Variants in LTBP4 observed in about 807,000 individuals in gnomAD.
LTBP4 encodes the protein latent transforming growth factor beta binding protein 4, also known as latent-transforming growth factor beta-binding protein 4.
A neutral mutation model predicts 180.2 loss-of-function variants in LTBP4; 93 were observed. The observed-to-expected ratio is 0.52, with a 90% CI of 0.44 to 0.61. The LOEUF (loss-of-function observed/expected upper bound fraction) is 0.61, where lower values mean the gene tolerates loss of function less well. Among genes scored for constraint, LTBP4 ranks in the 20% least tolerant of loss-of-function variants. LTBP4 has a pLI of 0.00. For missense variants in LTBP4, 2,116 were observed against 2,256.5 expected (o/e 0.94, Z 1.26); for synonymous variants, 947 against 934.5 (o/e 1.01, Z -0.24).
chr19:40,623,092 G>C, intron 24 of LTBP4, 71 bp downstream of exon 24: 1 of 1,213,112 alleles, frequency 8.2e-7, no homozygotes, highest in Non-Finnish European at 1.1e-6. Flanking sequence ...TGTTTTCTTT[G>C]CCTCTGTCTC....
Position 40,611,863 on chromosome 19 carries a change from G to A in LTBP4, c.2058G>A (p.Val686=), listed in dbSNP as rs376879859. The change falls in exon 14 of 30, where the codon GTG becomes GTA. Residue 686 remains valine, a synonymous_variant. Coordinates refer to ENST00000396819, the MANE Select transcript of LTBP4 (RefSeq NM_001042545.2). This position sits in a 1 kb window ranked among gnomAD's most constrained non-coding sequence, Gnocchi z 4.4. ...CATTGGTCCCCTCTGCCCCAGATGTGGATGAGTGTGCCCGAAGCCCCCCAC... is the reference window on the plus strand; with the variant it reads ...CATTGGTCCCCTCTGCCCCAGATGTAGATGAGTGTGCCCGAAGCCCCCCAC... The part of the protein sequence containing the change: ...SRGPGAPCQD[V]DECARSPPPC... The A allele has an allele frequency of 1.6e-5, 26 of 1,607,876 alleles. No individual in the cohort carries two copies. Among genetic ancestry groups the A allele is most frequent in the Non-Finnish European group, 2.1e-5 (25 of 1,177,362 alleles).
intron 26 of LTBP4, 55 bp downstream of exon 26, chr19:40,624,137 G>T: frequency 2.7e-6 from 4 of 1,467,886 alleles, no homozygotes; most frequent in Non-Finnish European, 1.8e-6. Flanking sequence ...CCTCACACCC[G>T]CACCCGGGCC....
upstream of LTBP4, chr19:40,599,472 G>T (rs1229414237): frequency 1.2e-6 from 2 of 1,613,722 alleles, no homozygotes; most frequent in Admixed American, 3.3e-5. Context: ...GGCCCCCAGC[G>T]GTGCCTGAAC....
rs777450656 is a variant in LTBP4 at position 40,629,489 on chromosome 19, G to A, written c.4613G>A (p.Arg1538His). ...NTDGSFRCICRPGFAPTHQPH... is the reference protein window; with the variant it reads ...NTDGSFRCICHPGFAPTHQPH... Reference sequence around the variant, plus strand: ...GATGGCTCCTTCCGCTGCATCTGCCGCCCGGGATTCGCACCCACGCACCAG... The same window carrying A: ...GATGGCTCCTTCCGCTGCATCTGCCACCCGGGATTCGCACCCACGCACCAG... The change falls in exon 30 of 30, where the codon CGC becomes CAC. Residue 1538 changes from arginine to histidine, a missense_variant. Physicochemically the swap from Arg to His is conservative, Grantham distance 29. Around this residue, in one of 5 missense-constraint regions of LTBP4, gnomAD observed 488 missense variants for 458.8 expected, o/e 1.06. Transcript: ENST00000396819. This position sits in a 1 kb window ranked among gnomAD's most constrained non-coding sequence, Gnocchi z 4.5. The A allele has an allele frequency of 1.9e-6, 3 of 1,606,444 alleles. No individual in the cohort carries two copies. The highest frequency in any genetic ancestry group is 1.7e-6 in the Non-Finnish European group (2 of 1,175,456).
Position 40,601,592 on chromosome 19 carries a change from G to T in LTBP4, c.205G>T (p.Gly69Cys). 1 of 1,417,208 alleles carries T rather than the reference G, an allele frequency of 7.1e-7. No individual in the cohort carries two copies. Among genetic ancestry groups the T allele is most frequent in the South Asian group, 1.5e-5 (1 of 66,562 alleles). 87.8% of individuals were successfully genotyped at this position (1,417,208 alleles called of 1,614,324 possible). A position where few individuals can be genotyped will look rare whatever the true frequency, so the allele number is the denominator to read the frequency against. ...APRNATSVDS[G>C]APGGAAPGGP... is the part of the protein sequence containing the mutation. ...CCGCAACGCCACCAGCGTGGACAGCGGCGCTCCCGGCGGGGCGGCCCCGGG... is the reference window on the plus strand; with the variant it reads ...CCGCAACGCCACCAGCGTGGACAGCTGCGCTCCCGGCGGGGCGGCCCCGGG... Residue 69 changes from glycine (G) to cysteine (C), a missense_variant, in exon 1 of 30, where the codon GGC (glycine) becomes TGC (cysteine). Gly to Cys is a radical substitution (Grantham distance 159). Coordinates refer to ENST00000396819, the MANE Select transcript of LTBP4 (RefSeq NM_001042545.2).
At chr19:40,604,568 C>T (rs963204048) in intron 1 of LTBP4, among the ~76,000 whole-genome samples, 2 of 152,120 alleles carry the variant, frequency 1.3e-5, no homozygotes, top group African/African-American at 2.4e-5. Context: ...AGCCTGAGGG[C>T]TGGCTGGGCT....
In LTBP4 at chr19:40,611,681, T is replaced by C. The variant is rs2081507539; in HGVS notation, c.2054-178T>C. Among the ~76,000 whole-genome samples, 1 of 152,058 alleles carries C rather than the reference T, an allele frequency of 6.6e-6. No homozygotes were observed. The highest frequency in any genetic ancestry group is 2.1e-4 in the South Asian group (1 of 4,820). ...GTTGGTGCCTTAGCCCCCACCTTAGTAGCTGGAGAGACCATTGAATGGGGA... is the reference window on the plus strand; with the variant it reads ...GTTGGTGCCTTAGCCCCCACCTTAGCAGCTGGAGAGACCATTGAATGGGGA... On this transcript the variant is annotated intron_variant, in intron 13 of 29. Transcript: ENST00000396819. The surrounding 1 kb of genome is among the most constrained non-coding windows in gnomAD (Gnocchi z 4.4).
chr19:40,601,897 G>A (rs1329198320), intron 1 of LTBP4, among the ~76,000 whole-genome samples: 1 of 152,016 alleles, frequency 6.6e-6, no homozygotes, highest in Non-Finnish European at 1.5e-5. Flanking sequence ...CAGCTTTCAT[G>A]CTTTGCGTCA....
rs373835441 is a variant in LTBP4, at chr19:40,608,531, G to A, written c.1354G>A (p.Asp452Asn). 2.1e-5 allele frequency: 34 copies of A among 1,605,558 alleles called. No homozygotes were observed. Among genetic ancestry groups the A allele is most frequent in the Admixed American group, 5.1e-5 (3 of 58,832 alleles). Residue 452 changes from aspartate (D) to asparagine (N), a missense_variant, in exon 9 of 30, where the codon GAT (aspartate) becomes AAT (asparagine). By Grantham distance (23) the Asp-to-Asn change is conservative (BLOSUM62 1). This residue lies in a region of LTBP4 where 877 missense variants were observed against 873.6 expected (regional missense o/e 1.00). Transcript: ENST00000396819. ...RLEPRPEPRPDPRPGPELPLP... is the reference protein window; with the variant it reads ...RLEPRPEPRPNPRPGPELPLP... ...GGAGCCCCGGCCTGAACCCCGGCCC[G>A]ATCCCCGGCCCGGCCCTGAGCTTCC...
chr19:40,613,948 C>A lies in LTBP4; in HGVS notation c.2590C>A (p.Gln864Lys). 6.2e-7 allele frequency: 1 copy of A among 1,613,688 alleles called. No individual in the cohort carries two copies. The highest frequency in any genetic ancestry group is 8.5e-7 in the Non-Finnish European group (1 of 1,179,814). ...VDECSEEDLC[Q>K]SGICTNTDGS... The stretch of plus-strand genomic sequence containing the variant: ...CGAGTGCAGCGAGGAGGACCTTTGC[C>A]AGAGCGGCATCTGTACCAACACCGA... The change falls in exon 18 of 30, where the codon CAG becomes AAG. Residue 864 changes from glutamine to lysine, a missense_variant. Coordinates refer to ENST00000396819, the MANE Select transcript of LTBP4 (RefSeq NM_001042545.2). The surrounding 1 kb of genome is among the most constrained non-coding windows in gnomAD (Gnocchi z 5.0).
intron 21 of LTBP4, among the ~76,000 whole-genome samples, chr19:40,618,758 A>G (rs1300450832): frequency 6.6e-6 from 1 of 152,234 alleles, no homozygotes; most frequent in Non-Finnish European, 1.5e-5. Flanking sequence ...ATTTTCACAA[A>G]TGCAAACACA....
chr19:40,624,501 C>T (rs576148178), intron 26 of LTBP4, among the ~76,000 whole-genome samples: 30 of 152,342 alleles, frequency 2.0e-4, no homozygotes, highest in Middle Eastern at 3.4e-3. Context: ...TCAAACGATT[C>T]TCCTGCCTCA....
rs760926653 is a variant in LTBP4 at position 40,613,558 on chromosome 19, G to A, written c.2557+29G>A. On this transcript the variant is annotated intron_variant, in intron 17 of 29. Coordinates refer to ENST00000396819, the MANE Select transcript of LTBP4 (RefSeq NM_001042545.2). The surrounding 1 kb of genome is among the most constrained non-coding windows in gnomAD (Gnocchi z 5.0). ...CGTACCCGGGCTGATCCTGGCCCCG[G>A]AAAGGGTGGGCTTAGGGCAGGAAAA... is the stretch of plus-strand genomic sequence containing the variant. 36 of 1,554,868 alleles carry A rather than the reference G, an allele frequency of 2.3e-5. No individual in the cohort carries two copies. Among genetic ancestry groups the A allele is most frequent in the Non-Finnish European group, 2.9e-5 (33 of 1,151,864 alleles).
At chr19:40,599,487 T>G, upstream of LTBP4, 1 of 1,613,758 alleles carries the variant, frequency 6.2e-7, no homozygotes, top group East Asian at 2.2e-5. Flanking sequence ...CTGAACCCAG[T>G]GCCTGCAGTG....
In LTBP4 at chr19:40,612,109, G is replaced by A. The variant is rs1190044745; in HGVS notation, c.2216G>A (p.Gly739Glu). The part of the protein sequence containing the change: ...DECENHLACP[G>E]QECVNSPGSF... ...TGTGAGAACCACCTCGCATGCCCTG[G>A]GCAGGAGTGTGTGAACTCGCCCGGC... Residue 739 changes from glycine to glutamate, a missense_variant, in exon 15 of 30, where the codon GGG (glycine) becomes GAG (glutamate). Around this residue, in one of 5 missense-constraint regions of LTBP4, gnomAD observed 877 missense variants for 873.6 expected, o/e 1.00. Coordinates refer to ENST00000396819, the MANE Select transcript of LTBP4 (RefSeq NM_001042545.2). The A allele has an allele frequency of 6.2e-7, 1 of 1,613,654 alleles. No individual in the cohort carries two copies. Among genetic ancestry groups the A allele is most frequent in the East Asian group, 2.2e-5 (1 of 44,878 alleles).
chr19:40,599,259 G>C, upstream of LTBP4: 2 of 1,613,842 alleles, frequency 1.2e-6, no homozygotes. Flanking sequence ...ATCCGAGGTG[G>C]GTTCTGGAAG....
chr19:40,627,039 C>T lies in LTBP4; in HGVS notation c.4050C>T (p.Gly1350=). Residue 1350 remains glycine (G), a synonymous_variant, in exon 28 of 30, where the codon GGC becomes GGT. Coordinates refer to ENST00000396819, the MANE Select transcript of LTBP4 (RefSeq NM_001042545.2). ...PPAYSPPRPG[G]FGLPYEYGPD... is the part of the protein sequence containing the mutation. Reference sequence around the variant, plus strand: ...CATATAGCCCCCCGCGACCAGGTGGCTTTGGACTCCCCTACGAGTACGGCC... The same window carrying T: ...CATATAGCCCCCCGCGACCAGGTGGTTTTGGACTCCCCTACGAGTACGGCC... 2.5e-6 allele frequency: 4 copies of T among 1,610,812 alleles called. No homozygotes were observed. Among genetic ancestry groups the T allele is most frequent in the Non-Finnish European group, 3.4e-6 (4 of 1,177,810 alleles).
At chr19:40,627,949 C>G (rs2081649702) in intron 29 of LTBP4, 92 bp downstream of exon 29, 2 of 1,460,624 alleles carry the variant, frequency 1.4e-6, no homozygotes, top group African/African-American at 1.4e-5. Context: ...TGGTCAGGGA[C>G]GGGAAAGGAC....
At position 40,594,107 on chromosome 19, in the gene LTBP4, T is replaced by TG. The variant is rs892572230; in HGVS notation, c.16+934dup. Among the ~76,000 whole-genome samples, 155 of 111,282 alleles carry TG rather than the reference T, an allele frequency of 1.4e-3. 1 individual carries two copies. The highest frequency in any genetic ancestry group is 0.013 in the East Asian group (42 of 3,304). 73.0% of individuals were successfully genotyped at this position (111,282 alleles called of 152,430 possible). A position where few individuals can be genotyped will look rare whatever the true frequency, so the allele number is the denominator to read the frequency against. Reference sequence around the variant, plus strand: ...GCCGGCCTTATTCTGGGGGAGGGGGTGGGGGGGGAGAGAGAGAGAGGGAGA... The same window carrying TG: ...GCCGGCCTTATTCTGGGGGAGGGGGTGGGGGGGGGAGAGAGAGAGAGGGAGA... On this transcript the variant is annotated intron_variant, in intron 1 of 32. Coordinates refer to the LTBP4 transcript ENST00000204005.
Sources: gnomAD v4.1 joint callset for allele counts (sites outside exome capture counted in the v4.1 genomes callset) on GRCh38, gnomAD v4.1.1 for gene constraint, gnomAD v4.1.1 regional missense constraint, Gnocchi (gnomAD v3.1) non-coding constraint, MANE v1.5 for transcripts, NCBI Gene and HGNC (gene_info 2026-07-23, HGNC 2026-07-21) for gene names.